Variants in GANC observed in about 807,000 individuals in gnomAD.
GANC encodes neutral alpha-glucosidase C.
Under a neutral mutation model 124.2 loss-of-function variants are expected in GANC, and 117 were observed. The ratio of observed to expected loss-of-function variants is 0.94; its 90% CI spans 0.81 to 1.10. The LOEUF (loss-of-function observed/expected upper bound fraction) is 1.10, where lower values mean the gene tolerates loss of function less well. Among genes scored for constraint, GANC ranks in the 50% least tolerant of loss-of-function variants. The probability of loss-of-function intolerance (pLI) is 0.00; values close to 1 mark genes in which losing one functional copy is unlikely to be tolerated. For synonymous variants in GANC, 377 were observed against 376.8 expected (o/e 1.00, Z -0.01); for missense variants, 1,140 against 1,095.0 (o/e 1.04, Z -0.58).
intron 6 of GANC, among the ~76,000 whole-genome samples, chr15:42,301,893 G>A (rs962949259): frequency 3.3e-5 from 5 of 152,210 alleles, no homozygotes; most frequent in Non-Finnish European, 5.9e-5. Flanking sequence ...CTGGGACAGA[G>A]CACCTGGGGG....
intron 19 of GANC, among the ~76,000 whole-genome samples, chr15:42,344,507 C>A (rs923679730): frequency 2.6e-5 from 4 of 152,172 alleles, no homozygotes; most frequent in East Asian, 1.9e-4. Flanking sequence ...CTTAATCAAA[C>A]CTGTGACCAT....
At chr15:42,343,918 C>T (rs372597746) in intron 19 of GANC, among the ~76,000 whole-genome samples, 1 of 152,074 alleles carries the variant, frequency 6.6e-6, no homozygotes, top group Admixed American at 6.5e-5. Flanking sequence ...TCCTTGAGCA[C>T]GGGAGCATGC....
intron 8 of GANC, 125 bp downstream of exon 8, chr15:42,308,443 GTGGATC>G: frequency 1.7e-6 from 1 of 589,138 alleles, no homozygotes; most frequent in Non-Finnish European, 3.1e-6. Flanking sequence ...TATATTGCTT[GTGGATC>G]TTTAAGAACC....
At chr15:42,281,413 GTGGCTCACA>G (rs1421545675) in intron 3 of GANC, among the ~76,000 whole-genome samples, 1 of 134,646 alleles carries the variant, frequency 7.4e-6, no homozygotes, top group African/African-American at 2.6e-5. Context: ...GCCAGGCGTG[GTGGCTCACA>G]CCTATAATCC....
chr15:42,326,743 A>C (rs991057463), intron 12 of GANC, among the ~76,000 whole-genome samples: 1 of 152,208 alleles, frequency 6.6e-6, no homozygotes, highest in Non-Finnish European at 1.5e-5. Flanking sequence ...AGAAAGAAAA[A>C]AAGTGGGTCC....
chr15:42,343,262 G>A (rs761099702), intron 19 of GANC, 108 bp downstream of exon 19: 18 of 884,010 alleles, frequency 2.0e-5, no homozygotes, highest in Non-Finnish European at 3.1e-5. Context: ...CACCCCAGAT[G>A]ACTATAGCAA....
intron 1 of GANC, among the ~76,000 whole-genome samples, chr15:42,274,711 C>A (rs575203035): frequency 2.1e-4 from 32 of 152,098 alleles, no homozygotes; most frequent in Non-Finnish European, 4.3e-4. Flanking sequence ...CAGTGGCTCA[C>A]GCAGGTAATC....
intron 1 of GANC, 60 bp from the exon 2 acceptor site, chr15:42,276,288 C>T: frequency 1.2e-6 from 1 of 809,804 alleles, no homozygotes; most frequent in Non-Finnish European, 2.2e-6. Flanking sequence ...AGAGAAGGTA[C>T]AAAAGTTGGA....
intron 7 of GANC, among the ~76,000 whole-genome samples, chr15:42,307,258 G>T (rs1246964397): frequency 6.6e-6 from 1 of 151,822 alleles, no homozygotes; most frequent in East Asian, 1.9e-4. Flanking sequence ...TAATGATGAG[G>T]GCTGACAGAA....
At chr15:42,343,960 G>A (rs1475045794) in intron 19 of GANC, among the ~76,000 whole-genome samples, 1 of 152,226 alleles carries the variant, frequency 6.6e-6, no homozygotes, top group South Asian at 2.1e-4. Context: ...GAAGAGCCAC[G>A]CAGGTATGGA....
chr15:42,320,641 G>A (rs2052148404), intron 10 of GANC, among the ~76,000 whole-genome samples: 1 of 151,044 alleles, frequency 6.6e-6, no homozygotes, highest in African/African-American at 2.5e-5. Flanking sequence ...TAGAGACGGG[G>A]TTTCACCGTG....
chr15:42,343,289 G>T, intron 19 of GANC, 135 bp downstream of exon 19: 1 of 721,962 alleles, frequency 1.4e-6, no homozygotes, highest in South Asian at 1.8e-5. Flanking sequence ...ATTATAATAA[G>T]TCATGACCAC....
At position 42,306,586 on chromosome 15, in the gene GANC, G is replaced by C. The variant is rs770954512; in HGVS notation, c.599G>C (p.Gly200Ala). The change falls in exon 7 of 24, where the codon GGA becomes GCA. Residue 200 changes from glycine (G) to alanine (A), a missense_variant. Physicochemically the swap from Gly to Ala is moderately conservative, Grantham distance 60. Coordinates refer to ENST00000318010, the MANE Select transcript of GANC (RefSeq NM_198141.3). ...EDLGLWEEKFGKFVDIKANGP... is the reference protein window; with the variant it reads ...EDLGLWEEKFAKFVDIKANGP... Reference sequence around the variant, plus strand: ...CTGGGCCTGTGGGAAGAGAAATTTGGAAAATTTGTGGATATCAAAGCTAAT... The same window carrying C: ...CTGGGCCTGTGGGAAGAGAAATTTGCAAAATTTGTGGATATCAAAGCTAAT... 1 of 1,613,172 alleles carries C rather than the reference G, an allele frequency of 6.2e-7. No homozygotes were observed. The highest frequency in any genetic ancestry group is 8.5e-7 in the Non-Finnish European group (1 of 1,179,432).
intron 20 of GANC, among the ~76,000 whole-genome samples, chr15:42,346,784 C>A (rs2052368919): frequency 6.6e-6 from 1 of 152,142 alleles, no homozygotes; most frequent in South Asian, 2.1e-4. Context: ...ATGTTAAAAT[C>A]AAAGTGGTCC....
chr15:42,284,388 G>T, intron 3 of GANC: 1 of 171,686 alleles, frequency 5.8e-6, no homozygotes, highest in Admixed American at 6.0e-5. Context: ...TCGCCTATAT[G>T]GCCATTAAAA....
intron 6 of GANC, among the ~76,000 whole-genome samples, chr15:42,306,038 T>TC (rs905354442): frequency 6.6e-5 from 10 of 150,872 alleles, no homozygotes; most frequent in Admixed American, 6.6e-4. Context: ...CTATTTTTTT[T>TC]TTTTTTGAGA....
Position 42,352,566 on chromosome 15 carries a change from G to A in GANC, c.*427G>A. 9.8e-7 allele frequency: 1 copy of A among 1,015,406 alleles called. No individual in the cohort carries two copies. Among genetic ancestry groups the A allele is most frequent in the Non-Finnish European group, 1.2e-6 (1 of 847,060 alleles). The allele number at this position is 1,015,406 out of a possible 1,614,324, so 62.9% of individuals were successfully genotyped here. ...GTTGCTCAAGGCCAGTGTCCAAGTG[G>A]ACAGCAGCCTCTGGTACTCCCCCCA... On this transcript the variant is annotated 3_prime_UTR_variant, in exon 24 of 24. Transcript: ENST00000318010.
chr15:42,317,653 G>T (rs1356226810), intron 10 of GANC, among the ~76,000 whole-genome samples: 2 of 105,880 alleles, frequency 1.9e-5, no homozygotes, highest in African/African-American at 6.9e-5. Flanking sequence ...CATGGTACGT[G>T]AATTCAGTAA....
At chr15:42,313,984 A>G (rs2052080335) in intron 10 of GANC, 4 of 671,070 alleles carry the variant, frequency 6.0e-6, no homozygotes, top group South Asian at 4.9e-5. Context: ...AACAAAATTA[A>G]TGTAATAGTG....
Sources: allele counts gnomAD v4.1 joint callset (sites outside exome capture counted in the v4.1 genomes callset), GRCh38; gene constraint gnomAD v4.1.1; transcripts MANE v1.5; gene names NCBI Gene and HGNC (gene_info 2026-07-23, HGNC 2026-07-21).